Variants in DTNB observed in about 807,000 individuals in gnomAD.
The protein encoded by DTNB is DTN-B.
In DTNB, 63 loss-of-function variants were observed where a neutral mutation model predicts 90.7. The observed-to-expected ratio is 0.69, with a 90% CI of 0.57 to 0.86. The LOEUF (loss-of-function observed/expected upper bound fraction) is 0.86. DTNB is among the 40% of genes least tolerant of loss of function. DTNB has a pLI of 0.00. For synonymous variants in DTNB, 277 were observed against 286.7 expected (o/e 0.97, Z 0.34); for missense variants, 744 against 807.1 (o/e 0.92, Z 0.95).
intron 4 of DTNB, among the ~76,000 whole-genome samples, chr2:25,626,117 T>C (rs1379683698): frequency 1.3e-5 from 2 of 152,200 alleles, no homozygotes; most frequent in East Asian, 1.9e-4. Context: ...AGCAGCCCAG[T>C]AGACTAAAGC....
At chr2:25,588,468 C>T (rs1256615483) in intron 6 of DTNB, among the ~76,000 whole-genome samples, 1 of 151,914 alleles carries the variant, frequency 6.6e-6, no homozygotes, top group Non-Finnish European at 1.5e-5. Context: ...CAGGTTCAAG[C>T]GATTCTCTGG....
intron 1 of DTNB, among the ~76,000 whole-genome samples, chr2:25,671,887 T>C (rs919285341): frequency 2.0e-5 from 3 of 152,044 alleles, no homozygotes; most frequent in Non-Finnish European, 4.4e-5. Flanking sequence ...AGAGCACAGG[T>C]AGAATTCCAG....
At chr2:25,489,885 C>G (rs1051117272) in intron 9 of DTNB, among the ~76,000 whole-genome samples, 6 of 152,060 alleles carry the variant, frequency 3.9e-5, no homozygotes, top group African/African-American at 1.4e-4. Flanking sequence ...TTCACACAAA[C>G]TTAAAAGAAA....
At chr2:25,384,711 G>T (rs866237391) in intron 18 of DTNB, among the ~76,000 whole-genome samples, 5 of 152,184 alleles carry the variant, frequency 3.3e-5, no homozygotes, top group Middle Eastern at 3.4e-3. Flanking sequence ...GAGAGGACAG[G>T]GATAAATCAG....
chr2:25,463,737 C>T (rs1261110869), intron 10 of DTNB, among the ~76,000 whole-genome samples: 4 of 152,110 alleles, frequency 2.6e-5, no homozygotes, highest in East Asian at 1.9e-4. Context: ...GGTGTCTCAC[C>T]CCTGGAGAGG....
intron 9 of DTNB, among the ~76,000 whole-genome samples, chr2:25,503,689 C>T (rs550442025): frequency 2.6e-5 from 4 of 151,792 alleles, no homozygotes; most frequent in East Asian, 1.9e-4. Flanking sequence ...CTGAGGTGGG[C>T]GGATCACGAG....
intron 10 of DTNB, among the ~76,000 whole-genome samples, chr2:25,461,206 T>C (rs975432200): frequency 3.3e-5 from 5 of 152,222 alleles, no homozygotes; most frequent in East Asian, 1.9e-4. Context: ...GCCTGGCCTA[T>C]AGGAAGACTT....
chr2:25,621,609 A>ATT lies in DTNB; in HGVS notation c.362+6560_362+6561dup, dbSNP rs758895953. On this transcript the variant is annotated intron_variant, in intron 4 of 20. Transcript: ENST00000406818. Reference sequence around the variant, plus strand: ...CATGCACCACCACCATGCCTGGCTAATTTTTTTTTTTTTTTTTTTTTTTTT... The same window carrying ATT: ...CATGCACCACCACCATGCCTGGCTAATTTTTTTTTTTTTTTTTTTTTTTTTTT... 1.8e-3 allele frequency among the ~76,000 whole-genome samples: 191 copies of ATT among 105,992 alleles called. 2 individuals are homozygous for ATT. Among genetic ancestry groups the ATT allele is most frequent in the Admixed American group, 0.012 (122 of 10,172 alleles). 69.5% of individuals were successfully genotyped at this position (105,992 alleles called of 152,430 possible).
chr2:25,661,207 G>T (rs999044948), intron 1 of DTNB, among the ~76,000 whole-genome samples: 5 of 152,150 alleles, frequency 3.3e-5, no homozygotes, highest in African/African-American at 1.2e-4. Context: ...GTTTGCCTAA[G>T]TTAAACTACA....
In DTNB at chr2:25,406,311, A is replaced by T. The variant is rs555020947; in HGVS notation, c.1575+13204T>A. Among the ~76,000 whole-genome samples, 4 of 152,200 alleles carry T rather than the reference A, an allele frequency of 2.6e-5. No individual in the cohort carries two copies. In the South Asian group the frequency reaches 8.3e-4, roughly 32 times the overall value. On this transcript the variant is annotated intron_variant, in intron 16 of 20. Coordinates refer to ENST00000406818, the MANE Select transcript of DTNB (RefSeq NM_021907.5). ...CTACTGGTGCTTAGTGGGTAAAGTT[A>T]AGGATGCTGCTAAACATCCTTAACA...
intron 12 of DTNB, among the ~76,000 whole-genome samples, chr2:25,448,396 GA>G (rs2058738998): frequency 6.6e-6 from 1 of 151,990 alleles, no homozygotes; most frequent in Non-Finnish European, 1.5e-5. Context: ...AGAAAGTAAA[GA>G]ATTGAAAAAG....
At chr2:25,533,575 C>A (rs1433668909) in intron 8 of DTNB, among the ~76,000 whole-genome samples, 1 of 152,210 alleles carries the variant, frequency 6.6e-6, no homozygotes, top group African/African-American at 2.4e-5. Flanking sequence ...AGAATGAGAT[C>A]TAAATAAATG....
intron 9 of DTNB, among the ~76,000 whole-genome samples, chr2:25,503,158 G>A (rs910418009): frequency 7.0e-6 from 1 of 143,384 alleles, no homozygotes; most frequent in Non-Finnish European, 1.5e-5. Flanking sequence ...CCGATGACAT[G>A]ATCTCATACA....
At chr2:25,650,425 A>G (rs2080628738) in intron 2 of DTNB, among the ~76,000 whole-genome samples, 1 of 152,230 alleles carries the variant, frequency 6.6e-6, no homozygotes, top group Non-Finnish European at 1.5e-5. Flanking sequence ...AGGCAGAAGC[A>G]GTATGACGGG....
chr2:25,647,601 G>A (rs1428410427), intron 2 of DTNB, among the ~76,000 whole-genome samples: 1 of 152,046 alleles, frequency 6.6e-6, no homozygotes, highest in Admixed American at 6.6e-5. Flanking sequence ...CCAGCCAGGT[G>A]CGGTGGCCCA....
intron 9 of DTNB, among the ~76,000 whole-genome samples, chr2:25,501,412 C>T (rs2070672240): frequency 6.6e-6 from 1 of 152,152 alleles, no homozygotes; most frequent in African/African-American, 2.4e-5. Context: ...TGGAGACTCG[C>T]TCTGTCGCCC....
intron 9 of DTNB, among the ~76,000 whole-genome samples, chr2:25,494,255 A>G (rs1330990613): frequency 6.6e-6 from 1 of 152,226 alleles, no homozygotes; most frequent in Non-Finnish European, 1.5e-5. Context: ...ACATGATGGA[A>G]TCAGTATTGG....
At chr2:25,572,206 G>T (rs897490793) in intron 8 of DTNB, among the ~76,000 whole-genome samples, 2 of 152,036 alleles carry the variant, frequency 1.3e-5, no homozygotes, top group Non-Finnish European at 2.9e-5. Flanking sequence ...GGTGGCTCAC[G>T]CCTGTAATCC....
chr2:25,524,703 C>T (rs2076771652), intron 9 of DTNB, among the ~76,000 whole-genome samples: 1 of 152,046 alleles, frequency 6.6e-6, no homozygotes, highest in Non-Finnish European at 1.5e-5. Context: ...GCTTTCTTCC[C>T]CTGCTGCAGC....
Sources: gnomAD v4.1 joint callset for allele counts (sites outside exome capture counted in the v4.1 genomes callset) on GRCh38, gnomAD v4.1.1 for gene constraint, MANE v1.5 for transcripts, NCBI Gene and HGNC (gene_info 2026-07-23, HGNC 2026-07-21) for gene names.